KCNC4: variants seen among roughly 807,000 people sequenced by gnomAD.
KCNC4 encodes the protein potassium voltage-gated channel subfamily C member 4, also known as voltage-gated potassium channel KCNC4.
A neutral mutation model predicts 42.8 loss-of-function variants in KCNC4; 23 were observed. The observed-to-expected ratio is 0.54, with a 90% CI of 0.39 to 0.76. The LOEUF (loss-of-function observed/expected upper bound fraction) is 0.76, where lower values mean the gene tolerates loss of function less well. Among genes scored for constraint, KCNC4 ranks in the 30% least tolerant of loss-of-function variants. KCNC4 has a pLI of 0.00. For synonymous variants in KCNC4, 422 were observed against 393.5 expected (o/e 1.07, Z -0.86); for missense variants, 751 against 898.2 (o/e 0.84, Z 2.10).
At chr1:110,232,839 C>A (rs773442611) in intron 3 of KCNC4, 72 bp from the exon 4 acceptor site, 2 of 1,556,784 alleles carry the variant, frequency 1.3e-6, no homozygotes, top group African/African-American at 1.4e-5. Flanking sequence ...CCCTGTCCCC[C>A]CAACCCCAGA....
chr1:110,273,547 G>A (rs1254297322), intron 1 of KCNC4, among the ~76,000 whole-genome samples: 1 of 152,234 alleles, frequency 6.6e-6, no homozygotes. Flanking sequence ...TGGCTACCAG[G>A]TTTGGGCTGT....
chr1:110,250,723 C>T (rs1659235756), downstream of KCNC4, among the ~76,000 whole-genome samples: 1 of 152,128 alleles, frequency 6.6e-6, no homozygotes, highest in Non-Finnish European at 1.5e-5. Context: ...CTGAGTGAGG[C>T]ACCCAGCAAG....
intron 1 of KCNC4, among the ~76,000 whole-genome samples, chr1:110,256,439 T>G (rs1015333556): frequency 2.6e-5 from 4 of 152,218 alleles, no homozygotes; most frequent in Non-Finnish European, 5.9e-5. Flanking sequence ...ACTTGGTCAC[T>G]CAGAACTTGT....
chr1:110,259,110 G>C (rs552825878), intron 1 of KCNC4, among the ~76,000 whole-genome samples: 1 of 152,332 alleles, frequency 6.6e-6, no homozygotes, highest in East Asian at 1.9e-4. Flanking sequence ...CCAGAAGGTA[G>C]GTCAAGGACC....
intron 1 of KCNC4, among the ~76,000 whole-genome samples, chr1:110,257,482 A>C (rs1659354527): frequency 6.6e-6 from 1 of 151,910 alleles, no homozygotes; most frequent in East Asian, 1.9e-4. Flanking sequence ...TTGGGAGGCC[A>C]AGGCGGGTGG....
In KCNC4 at chr1:110,211,315, A is replaced by AG. The variant is rs1245170044; in HGVS notation, c.-185_-184insG. 4.3e-5 allele frequency: 37 copies of AG among 860,702 alleles called. 2 individuals are homozygous for AG. In the South Asian group the frequency reaches 6.5e-4, roughly 15 times the overall value. 53.3% of individuals were successfully genotyped at this position (860,702 alleles called of 1,614,324 possible). ...ACCCCAACCACCTGTGTACCGGAGA[A>AG]ATCCAACTCCTCCCGCTCCGCGTCC... On this transcript the variant is annotated 5_prime_UTR_variant, in exon 1 of 4. Transcript: ENST00000438661. This position sits in a 1 kb window ranked among gnomAD's most constrained non-coding sequence, Gnocchi z 6.5.
chr1:110,276,299 C>CAAAA (rs3062031), intron 1 of KCNC4, among the ~76,000 whole-genome samples: 7 of 98,884 alleles, frequency 7.1e-5, no homozygotes, highest in Non-Finnish European at 1.3e-4. Flanking sequence ...TCAATTTATA[C>CAAAA]AAAAAAAAAA....
At chr1:110,256,498 G>A (rs1034667555) in intron 1 of KCNC4, among the ~76,000 whole-genome samples, 4 of 152,232 alleles carry the variant, frequency 2.6e-5, no homozygotes, top group Non-Finnish European at 5.9e-5. Context: ...ATCACCCGTA[G>A]CTCTTCCCAG....
intron 1 of KCNC4, chr1:110,256,658 G>C (rs945665470): frequency 3.9e-5 from 6 of 152,438 alleles, no homozygotes; most frequent in Non-Finnish European, 8.8e-5. Flanking sequence ...CGGAGGCCTT[G>C]CTCGCTCCAG....
At position 110,232,384 on chromosome 1, in the gene KCNC4, C is replaced by G. The variant is rs1658740108; in HGVS notation, c.1820-527C>G. The G allele has an allele frequency of 8.4e-6, 13 of 1,555,620 alleles. No individual in the cohort carries two copies. The South Asian group carries it at 1.2e-4, about 14-fold the overall frequency. ...CAGCTCCTTGGGACAATGGAATATCCCAGGGTGGTGACAGCAGATGGAGCT... is the reference window on the plus strand; with the variant it reads ...CAGCTCCTTGGGACAATGGAATATCGCAGGGTGGTGACAGCAGATGGAGCT... On this transcript the variant is annotated intron_variant, in intron 3 of 3. Transcript: ENST00000438661.
chr1:110,268,378 C>A (rs1486195139), intron 1 of KCNC4, among the ~76,000 whole-genome samples: 1 of 152,242 alleles, frequency 6.6e-6, no homozygotes. Context: ...GAGGCCGAGG[C>A]GGGCAGATCA....
At chr1:110,245,597 A>G (rs1212238583) in exon 4 of KCNC4, 5 of 152,232 alleles carry the variant, frequency 3.3e-5, no homozygotes, top group Admixed American at 3.3e-4. Flanking sequence ...TTCCAAGACT[A>G]GCCACTTAGA....
intron 1 of KCNC4, among the ~76,000 whole-genome samples, chr1:110,261,345 T>C (rs1217996632): frequency 1.3e-5 from 2 of 152,192 alleles, no homozygotes; most frequent in Non-Finnish European, 2.9e-5. Context: ...TCAGCAGGCA[T>C]TATTGACAGA....
In KCNC4 at chr1:110,210,524, G is replaced by A. The variant is rs1032830794; in HGVS notation, c.-976G>A. 6.6e-6 allele frequency among the ~76,000 whole-genome samples: 1 copy of A among 151,522 alleles called. No individual in the cohort carries two copies. The highest frequency in any genetic ancestry group is 1.5e-5 in the Non-Finnish European group (1 of 67,810). ...CCAGATCGCAGGAACCAGGCGCCGG[G>A]GCGTTGCGCTGAGGCTCCCTCTCCG... On this transcript the variant is annotated 5_prime_UTR_variant, in exon 1 of 4. Transcript: ENST00000438661.
At chr1:110,232,470 G>A (rs1658744708) in intron 3 of KCNC4, 1 of 1,449,678 alleles carries the variant, frequency 6.9e-7, no homozygotes, top group South Asian at 1.5e-5. Context: ...TGAGCCACAG[G>A]CCACATCAGG....
chr1:110,264,108 C>T (rs78274771), intron 1 of KCNC4, among the ~76,000 whole-genome samples: 22,920 of 152,100 alleles, frequency 0.15, 1,768 homozygotes, highest in Admixed American at 0.18. Flanking sequence ...TGAAAGAAAC[C>T]GAGGCATTTA....
chr1:110,231,468 G>T (rs1186154590), intron 3 of KCNC4, among the ~76,000 whole-genome samples: 1 of 152,160 alleles, frequency 6.6e-6, no homozygotes, highest in East Asian at 1.9e-4. Context: ...AGTATGGGCT[G>T]CTCTGCTCCC....
chr1:110,235,212 G>C (rs557867372), downstream of KCNC4: 11 of 152,448 alleles, frequency 7.2e-5, no homozygotes, highest in African/African-American at 2.6e-4. Context: ...TGTTCCTGAA[G>C]TGTAAGGAAA....
intron 1 of KCNC4, among the ~76,000 whole-genome samples, chr1:110,264,528 A>G (rs956326277): frequency 2.0e-5 from 3 of 152,142 alleles, no homozygotes; most frequent in African/African-American, 7.2e-5. Flanking sequence ...TCCATTTAGT[A>G]GGGGTCCGGG....
Sources: gnomAD v4.1 joint callset for allele counts (sites outside exome capture counted in the v4.1 genomes callset) on GRCh38, gnomAD v4.1.1 for gene constraint, Gnocchi (gnomAD v3.1) non-coding constraint, MANE v1.5 for transcripts, NCBI Gene and HGNC (gene_info 2026-07-23, HGNC 2026-07-21) for gene names.